Variants in PDE4D observed in about 807,000 individuals in gnomAD.
PDE4D encodes 3',5'-cyclic-AMP phosphodiesterase 4D.
Under a neutral mutation model 87.4 loss-of-function variants are expected in PDE4D, and 24 were observed. The observed-to-expected ratio is 0.27, with a 90% confidence interval of 0.20 to 0.39. The LOEUF is 0.39. Among genes scored for constraint, PDE4D ranks in the 10% least tolerant of loss-of-function variants. PDE4D has a pLI of 1.00. For missense variants in PDE4D, 714 were observed against 1,041.0 expected (o/e 0.69, Z 4.32); for synonymous variants, 384 against 383.2 (o/e 1.00, Z -0.02).
At chr5:60,092,045 C>A (rs75717180) in intron 2 of PDE4D, among the ~76,000 whole-genome samples, 1 of 113,758 alleles carries the variant, frequency 8.8e-6, no homozygotes, top group Non-Finnish European at 1.7e-5. Flanking sequence ...AGCGAAACTC[C>A]GTCTCAAAAA....
chr5:60,172,906 C>T (rs889201264), intron 2 of PDE4D, among the ~76,000 whole-genome samples: 1 of 152,080 alleles, frequency 6.6e-6, no homozygotes, highest in Non-Finnish European at 1.5e-5. Context: ...AAGAGTTTAC[C>T]TTCCTTGTGA....
intron 1 of PDE4D, among the ~76,000 whole-genome samples, chr5:59,562,086 A>G (rs1460409394): frequency 6.6e-6 from 1 of 152,136 alleles, no homozygotes; most frequent in Non-Finnish European, 1.5e-5. Flanking sequence ...ATGTCAATAA[A>G]TGTTTAGAAA....
At chr5:60,365,786 G>A (rs901844029) in intron 1 of PDE4D, among the ~76,000 whole-genome samples, 7 of 152,076 alleles carry the variant, frequency 4.6e-5, no homozygotes, top group African/African-American at 1.2e-4. Context: ...GCTCACCCCC[G>A]TAATCTCAGC....
At chr5:60,239,834 T>C (rs2149653443) in intron 1 of PDE4D, among the ~76,000 whole-genome samples, 1 of 152,192 alleles carries the variant, frequency 6.6e-6, no homozygotes, top group African/African-American at 2.4e-5. Flanking sequence ...TCCTGAACTT[T>C]TGTATTATTT....
chr5:59,028,495 G>A (rs764518602), intron 6 of PDE4D, among the ~76,000 whole-genome samples: 3 of 149,872 alleles, frequency 2.0e-5, no homozygotes, highest in Admixed American at 6.7e-5. Context: ...TGACTCAGTC[G>A]AGACAATTCC....
chr5:58,976,610 T>TG, intron 12 of PDE4D, 138 bp from the exon 13 acceptor site: 1 of 688,174 alleles, frequency 1.5e-6, no homozygotes, highest in Non-Finnish European at 2.4e-6. Context: ...TACTACTCCT[T>TG]GGGGGCAGAG....
At chr5:59,335,994 C>T (rs1024794397) in intron 1 of PDE4D, among the ~76,000 whole-genome samples, 1 of 152,090 alleles carries the variant, frequency 6.6e-6, no homozygotes, top group Non-Finnish European at 1.5e-5. Context: ...AAGAACAGAC[C>T]AACTTCAGTA....
chr5:60,264,163 G>A (rs1288796608), intron 1 of PDE4D, among the ~76,000 whole-genome samples: 1 of 152,104 alleles, frequency 6.6e-6, no homozygotes, highest in Non-Finnish European at 1.5e-5. Context: ...AGCTTTAGAA[G>A]TGGGAATGCA....
At chr5:60,073,073 C>T (rs955364860) in intron 2 of PDE4D, among the ~76,000 whole-genome samples, 32 of 152,034 alleles carry the variant, frequency 2.1e-4, no homozygotes, top group African/African-American at 7.7e-4. Context: ...TGAGAAAGGG[C>T]GTCTTTGTCT....
At chr5:59,607,873 T>G (rs141723384) in intron 1 of PDE4D, among the ~76,000 whole-genome samples, 1 of 152,112 alleles carries the variant, frequency 6.6e-6, no homozygotes, top group East Asian at 1.9e-4. Context: ...GAGACATCAC[T>G]GGTACAATAA....
At chr5:59,238,931 C>T (rs1479927982) in intron 1 of PDE4D, among the ~76,000 whole-genome samples, 1 of 152,082 alleles carries the variant, frequency 6.6e-6, no homozygotes, top group Admixed American at 6.6e-5. Context: ...ATATTTATTG[C>T]CTAGAGACAA....
intron 1 of PDE4D, chr5:59,216,907 T>A (rs1390508862): frequency 1.0e-5 from 2 of 199,374 alleles, no homozygotes; most frequent in African/African-American, 4.8e-5. Flanking sequence ...TGACAGAATT[T>A]ACAATGAATT....
At chr5:60,257,383 G>A (rs1010697415) in intron 1 of PDE4D, among the ~76,000 whole-genome samples, 1 of 151,822 alleles carries the variant, frequency 6.6e-6, no homozygotes, top group East Asian at 1.9e-4. Flanking sequence ...TATTTTCTTT[G>A]CTATAGGACA....
At chr5:59,240,397 G>A (rs1413722713) in intron 1 of PDE4D, among the ~76,000 whole-genome samples, 2 of 152,112 alleles carry the variant, frequency 1.3e-5, no homozygotes, top group African/African-American at 2.4e-5. Flanking sequence ...GAAATAACAC[G>A]AAATAGAATG....
rs1259554010 is a variant in PDE4D at position 60,413,824 on chromosome 5, T to C, written c.-90+74118A>G. 2.0e-5 allele frequency among the ~76,000 whole-genome samples: 3 copies of C among 151,914 alleles called. No homozygotes were observed. The East Asian group carries it at 5.8e-4, about 29-fold the overall frequency. On this transcript the variant is annotated intron_variant, in intron 1 of 16. Coordinates refer to the PDE4D transcript ENST00000502484. ...CATCAGATCCCAAAGTAACAAATAATCTTAATGTAACTACTATTTCCATCC... is the reference window on the plus strand; with the variant it reads ...CATCAGATCCCAAAGTAACAAATAACCTTAATGTAACTACTATTTCCATCC...
chr5:60,302,713 G>A (rs982814524), intron 1 of PDE4D, among the ~76,000 whole-genome samples: 1 of 151,852 alleles, frequency 6.6e-6, no homozygotes, highest in African/African-American at 2.4e-5. Context: ...GCTAGCTTAG[G>A]GTTTTGTTTG....
chr5:59,095,883 G>T (rs1389385110), intron 5 of PDE4D, among the ~76,000 whole-genome samples: 1 of 152,180 alleles, frequency 6.6e-6, no homozygotes, highest in African/African-American at 2.4e-5. Flanking sequence ...CTGCTAAATA[G>T]GCTATCTCAG....
At chr5:59,439,487 T>C (rs759906349) in intron 1 of PDE4D, among the ~76,000 whole-genome samples, 10 of 152,196 alleles carry the variant, frequency 6.6e-5, no homozygotes, top group Non-Finnish European at 1.5e-4. Context: ...GGTATCAGTT[T>C]CCATGACACT....
chr5:59,038,687 T>A (rs1367423827), intron 6 of PDE4D, among the ~76,000 whole-genome samples, 172 bp downstream of exon 6: 1 of 152,184 alleles, frequency 6.6e-6, no homozygotes, highest in Non-Finnish European at 1.5e-5. Context: ...CTGGCGTGAC[T>A]AGGGGAGGCA....
Sources: gnomAD v4.1 joint callset for allele counts (sites outside exome capture counted in the v4.1 genomes callset) on GRCh38, gnomAD v4.1.1 for gene constraint, MANE v1.5 for transcripts, NCBI Gene and HGNC (gene_info 2026-07-23, HGNC 2026-07-21) for gene names.